The following PIK3AP1 variants were observed in gnomAD, a reference collection of about 807,000 sequenced individuals.
PIK3AP1 encodes the protein phosphoinositide-3-kinase adaptor protein 1, also known as phosphoinositide 3-kinase adapter protein 1.
A neutral mutation model predicts 88.1 loss-of-function variants in PIK3AP1; 21 were observed. That is an observed-to-expected ratio of 0.24 (90% confidence interval 0.17 to 0.34). The LOEUF is 0.34. Ranked by LOEUF, PIK3AP1 falls within the 10% of genes least tolerant of loss-of-function variation. The pLI is 1.00. For missense variants in PIK3AP1, 828 were observed against 1,035.7 expected (o/e 0.80, Z 2.75); for synonymous variants, 398 against 400.0 (o/e 1.00, Z 0.06).
In PIK3AP1 at chr10:96,616,677, C is replaced by T; in HGVS notation, c.1976G>A (p.Arg659Gln). The change falls in exon 13 of 17, where the codon CGA (arginine) becomes CAA (glutamine). Residue 659 changes from arginine (R) to glutamine (Q), a missense_variant. Arg to Gln is a conservative substitution (Grantham distance 43). Transcript: ENST00000339364. ...NLKRLRDSITRRQREKQKSGK... is the reference protein window; with the variant it reads ...NLKRLRDSITQRQREKQKSGK... Reference sequence around the variant, plus strand: ...TGATTTTTGCTTCTCTCTCTGTCTTCGGGTGATGCTGTCTCTTAGCCGTTT... The same window carrying T: ...TGATTTTTGCTTCTCTCTCTGTCTTTGGGTGATGCTGTCTCTTAGCCGTTT... 6.2e-7 allele frequency: 1 copy of T among 1,614,184 alleles called. No homozygotes were observed. The highest frequency in any genetic ancestry group is 8.5e-7 in the Non-Finnish European group (1 of 1,180,030).
chr10:96,673,355 A>G (rs1843873776), intron 2 of PIK3AP1, among the ~76,000 whole-genome samples: 1 of 152,168 alleles, frequency 6.6e-6, no homozygotes, highest in African/African-American at 2.4e-5. Flanking sequence ...CAGGATCCTT[A>G]GGGAGCACTA....
rs145490060 is a variant in PIK3AP1 at position 96,708,303 on chromosome 10, G to C, written c.430+1264C>G. 8.9e-3 allele frequency among the ~76,000 whole-genome samples: 1,360 copies of C among 152,188 alleles called. 20 individuals carry two copies. The highest frequency in any genetic ancestry group is 0.031 in the African/African-American group (1,299 of 41,524). ...TAGAAAACAAAAAGAGGCTAGGCGT[G>C]GTGGCTCACGCCTGTAATCCCAGCA... On this transcript the variant is annotated intron_variant, in intron 2 of 16. Coordinates refer to ENST00000339364, the MANE Select transcript of PIK3AP1 (RefSeq NM_152309.3).
At chr10:96,666,398 A>G (rs1843762477) in intron 2 of PIK3AP1, among the ~76,000 whole-genome samples, 1 of 152,174 alleles carries the variant, frequency 6.6e-6, no homozygotes, top group South Asian at 2.1e-4. Context: ...CAGCCTGGGC[A>G]ACAGAGTGAG....
chr10:96,609,854 C>T lies in PIK3AP1; in HGVS notation c.2028G>A (p.Thr676=), dbSNP rs777419257. 1.7e-5 allele frequency: 27 copies of T among 1,613,972 alleles called. No homozygotes were observed. The highest frequency in any genetic ancestry group is 4.0e-5 in the African/African-American group (3 of 74,914). ...GGTGCTGTGAGTGCCGAATTGGGACCGTGATCTCCAAGTCTGGAATTGGAG... is the reference window on the plus strand; with the variant it reads ...GGTGCTGTGAGTGCCGAATTGGGACTGTGATCTCCAAGTCTGGAATTGGAG... The part of the protein sequence containing the change: ...KSGKQTDLEI[T]VPIRHSQHLP... The change falls in exon 14 of 17, where the codon ACG becomes ACA. Residue 676 remains threonine (T), a synonymous_variant. Transcript: ENST00000339364.
chr10:96,601,040 C>T (rs1292751833), intron 16 of PIK3AP1, among the ~76,000 whole-genome samples: 1 of 151,068 alleles, frequency 6.6e-6, no homozygotes, highest in Non-Finnish European at 1.5e-5. Flanking sequence ...TAGTCTAATG[C>T]TCATCTCCAA....
intron 8 of PIK3AP1, among the ~76,000 whole-genome samples, chr10:96,642,800 C>A (rs1227072663): frequency 1.3e-5 from 2 of 152,230 alleles, no homozygotes; most frequent in Admixed American, 1.3e-4. Context: ...GCATTCCCTG[C>A]AGGTTTCCAG....
chr10:96,698,376 C>T (rs764926707), intron 2 of PIK3AP1, among the ~76,000 whole-genome samples: 1 of 152,212 alleles, frequency 6.6e-6, no homozygotes, highest in Non-Finnish European at 1.5e-5. Flanking sequence ...ATAGGCCGGA[C>T]GCTGTGGCTC....
chr10:96,716,832 G>A (rs1266436050), intron 1 of PIK3AP1, among the ~76,000 whole-genome samples: 1 of 152,080 alleles, frequency 6.6e-6, no homozygotes, highest in African/African-American at 2.4e-5. Context: ...CTTTGTCCTC[G>A]TAAAACGTCA....
intron 2 of PIK3AP1, among the ~76,000 whole-genome samples, chr10:96,667,004 A>G (rs1257947141): frequency 1.3e-5 from 2 of 152,158 alleles, no homozygotes; most frequent in Non-Finnish European, 2.9e-5. Flanking sequence ...TTTTGCTGTC[A>G]CTGACGCCTA....
chr10:96,620,160 C>A (rs1316317653), intron 12 of PIK3AP1, among the ~76,000 whole-genome samples, 192 bp downstream of exon 12: 2 of 152,134 alleles, frequency 1.3e-5, no homozygotes, highest in Non-Finnish European at 2.9e-5. Flanking sequence ...CAGCTCTCAG[C>A]CAGGGAGCCA....
At chr10:96,658,074 A>AAAAG (rs1430820635) in intron 2 of PIK3AP1, among the ~76,000 whole-genome samples, 2 of 151,890 alleles carry the variant, frequency 1.3e-5, no homozygotes, top group Non-Finnish European at 2.9e-5. Context: ...AAAAAAAAAA[A>AAAAG]AAAAAAATAG....
At chr10:96,672,943 C>T (rs1201185244) in intron 2 of PIK3AP1, among the ~76,000 whole-genome samples, 2 of 152,332 alleles carry the variant, frequency 1.3e-5, no homozygotes, top group East Asian at 3.9e-4. Context: ...ACAGAGATGA[C>T]TATCTCCATT....
chr10:96,663,311 G>A (rs984860044), intron 2 of PIK3AP1, among the ~76,000 whole-genome samples: 9 of 152,006 alleles, frequency 5.9e-5, no homozygotes, highest in Admixed American at 1.3e-4. Flanking sequence ...TAAATTGATG[G>A]TATGTGAATT....
At chr10:96,704,729 A>G (rs573205167) in intron 2 of PIK3AP1, among the ~76,000 whole-genome samples, 23 of 151,884 alleles carry the variant, frequency 1.5e-4, no homozygotes, top group Admixed American at 1.4e-3. Flanking sequence ...AAAAAGAAAA[A>G]AAAAAGAAAA....
At chr10:96,595,718 G>T (rs1292218006) in intron 16 of PIK3AP1, 84 bp from the exon 17 acceptor site, 1 of 1,348,720 alleles carries the variant, frequency 7.4e-7, no homozygotes, top group Non-Finnish European at 1.0e-6. Flanking sequence ...TGCAAACTTG[G>T]TATACTATGC....
chr10:96,629,392 A>G (rs889848016), intron 8 of PIK3AP1, among the ~76,000 whole-genome samples: 3 of 152,130 alleles, frequency 2.0e-5, no homozygotes, highest in East Asian at 3.9e-4. Context: ...ATAGAGGACT[A>G]TAACTGGAAC....
intron 2 of PIK3AP1, among the ~76,000 whole-genome samples, chr10:96,658,913 T>C (rs1460936038): frequency 6.6e-6 from 1 of 151,870 alleles, no homozygotes; most frequent in Non-Finnish European, 1.5e-5. Context: ...CTAATTCTCC[T>C]GGCTCTCCCC....
At chr10:96,682,726 CT>C (rs1054320225) in intron 2 of PIK3AP1, among the ~76,000 whole-genome samples, 1 of 152,172 alleles carries the variant, frequency 6.6e-6, no homozygotes, top group Non-Finnish European at 1.5e-5. Context: ...TAATCAAAAC[CT>C]TAACAGGGTT....
At chr10:96,639,064 A>C (rs563316156) in intron 8 of PIK3AP1, among the ~76,000 whole-genome samples, 1 of 152,342 alleles carries the variant, frequency 6.6e-6, no homozygotes, top group East Asian at 1.9e-4. Context: ...GAAAAGAGAA[A>C]GGCAATTTAG....
Sources: allele counts gnomAD v4.1 joint callset (sites outside exome capture counted in the v4.1 genomes callset), GRCh38; gene constraint gnomAD v4.1.1; transcripts MANE v1.5; gene names NCBI Gene and HGNC (gene_info 2026-07-23, HGNC 2026-07-21).